Variants in NOPCHAP1 observed in about 807,000 individuals in gnomAD.
NOPCHAP1 encodes DNA damage-sensitive RNA 1.
A neutral mutation model predicts 14.0 loss-of-function variants in NOPCHAP1; 13 were observed. The observed-to-expected ratio is 0.93, with a 90% confidence interval of 0.60 to 1.47. The LOEUF (loss-of-function observed/expected upper bound fraction) is 1.47. Ranked by LOEUF, NOPCHAP1 falls within the 40% of genes most tolerant of loss-of-function variation. The pLI, the probability that NOPCHAP1 is intolerant of heterozygous loss-of-function variation, is 0.00. For missense variants in NOPCHAP1, 230 were observed against 226.9 expected, an observed-to-expected ratio of 1.01 and a Z score of -0.09; for synonymous variants, 78 against 78.4, an observed-to-expected ratio of 1.00 and a Z score of 0.03.
rs146750048 is a variant in NOPCHAP1, at chr12:105,017,363, G to A, written c.*22667G>A. 11 of 152,104 alleles carry A rather than the reference G, an allele frequency of 7.2e-5. No individual in the cohort carries two copies. Among genetic ancestry groups the A allele is most frequent in the African/African-American group, 2.7e-4 (11 of 41,374 alleles). The allele number at this position is 152,104 out of a possible 1,614,324, so 9.4% of individuals were successfully genotyped here. Reference sequence around the variant, plus strand: ...AAAATATAAAAATGAGCCAGATGCGGTGGTGCATATCTGTAATCCCAGCTA... The same window carrying A: ...AAAATATAAAAATGAGCCAGATGCGATGGTGCATATCTGTAATCCCAGCTA... On this transcript the variant is annotated 3_prime_UTR_variant, in exon 4 of 4. Coordinates refer to ENST00000552951, the MANE Select transcript of NOPCHAP1 (RefSeq NM_152318.3).
rs1217202745 is a variant in NOPCHAP1 at position 105,001,700 on chromosome 12, G to A, written c.*7004G>A. 6.6e-6 allele frequency: 1 copy of A among 152,034 alleles called. No homozygotes were observed. Among genetic ancestry groups the A allele is most frequent in the Non-Finnish European group, 1.5e-5 (1 of 67,998 alleles). The allele number at this position is 152,034 out of a possible 1,614,324, so 9.4% of individuals were successfully genotyped here. On this transcript the variant is annotated 3_prime_UTR_variant, in exon 4 of 4. Coordinates refer to ENST00000552951, the MANE Select transcript of NOPCHAP1 (RefSeq NM_152318.3). ...TGTCAGTTGGATGGCTTCCAGTATG[G>A]GAACCTTTTCAACTTGATTTGAAAC... is the stretch of plus-strand genomic sequence containing the variant.
intron 2 of NOPCHAP1, among the ~76,000 whole-genome samples, chr12:104,990,125 A>G (rs1873339554): frequency 6.6e-6 from 1 of 152,094 alleles, no homozygotes; most frequent in Admixed American, 6.5e-5. Flanking sequence ...CATGTTTGCT[A>G]ATTTTTTATT....
At chr12:104,992,635 C>T (rs1040148297) in intron 3 of NOPCHAP1, among the ~76,000 whole-genome samples, 1 of 152,138 alleles carries the variant, frequency 6.6e-6, no homozygotes, top group Non-Finnish European at 1.5e-5. Flanking sequence ...GGTCTGTGGC[C>T]TGTTAGGAAG....
At chr12:104,994,444 C>G in intron 3 of NOPCHAP1, 34 bp from the exon 4 acceptor site, 1 of 1,569,658 alleles carries the variant, frequency 6.4e-7, no homozygotes, top group Non-Finnish European at 8.8e-7. Context: ...AGGAACTGCT[C>G]TGAAATAGAT....
chr12:104,991,725 A>G lies in NOPCHAP1; in HGVS notation c.216A>G (p.Val72=). ...TACTTTCCACAGTATTGGACCAGGT[A>G]CAGACATTTCTCCCACAGATGGCAC... ...RIERSPLLDQ[V]QTFLPQMARA... is the part of the protein sequence containing the mutation. Residue 72 remains valine, a synonymous_variant, in exon 3 of 4, where the codon GTA becomes GTG. Transcript: ENST00000552951. 5 of 1,612,872 alleles carry G rather than the reference A, an allele frequency of 3.1e-6. No homozygotes were observed. The highest frequency in any genetic ancestry group is 4.2e-6 in the Non-Finnish European group (5 of 1,179,708).
chr12:104,991,691 T>C (rs777420958), intron 2 of NOPCHAP1, 21 bp from the exon 3 acceptor site: 3 of 1,577,678 alleles, frequency 1.9e-6, no homozygotes, highest in Non-Finnish European at 1.7e-6. Flanking sequence ...AATGTTGATA[T>C]GCTGTATTTA....
At chr12:104,993,913 A>T (rs1439513705) in intron 3 of NOPCHAP1, among the ~76,000 whole-genome samples, 1 of 152,146 alleles carries the variant, frequency 6.6e-6, no homozygotes. Flanking sequence ...TTGCTGAAAG[A>T]ATGTTGTTGA....
chr12:105,007,855 CAT>C lies in NOPCHAP1; in HGVS notation c.*13161_*13162del, dbSNP rs1428521257. The C allele has an allele frequency of 1.3e-5, 2 of 152,224 alleles. No individual in the cohort carries two copies. Among genetic ancestry groups the C allele is most frequent in the African/African-American group, 4.8e-5 (2 of 41,448 alleles). The allele number at this position is 152,224 out of a possible 1,614,324, so 9.4% of individuals were successfully genotyped here. Reference sequence around the variant, plus strand: ...ATGAACTCATCCTTTTTTATGGCTACATAGTATTCCATGGTGTACATATGCCA... The same window carrying C: ...ATGAACTCATCCTTTTTTATGGCTACAGTATTCCATGGTGTACATATGCCA... On this transcript the variant is annotated 3_prime_UTR_variant, in exon 4 of 4. Coordinates refer to ENST00000552951, the MANE Select transcript of NOPCHAP1 (RefSeq NM_152318.3).
rs1873902564 is a variant in NOPCHAP1 at position 105,014,317 on chromosome 12, G to A, written c.*19621G>A. On this transcript the variant is annotated 3_prime_UTR_variant, in exon 4 of 4. Coordinates refer to ENST00000552951, the MANE Select transcript of NOPCHAP1 (RefSeq NM_152318.3). The stretch of plus-strand genomic sequence containing the variant: ...TATGGTAGAAATGATGAGATAGACT[G>A]GTATCTACATATATTTAATGCATTT... The A allele has an allele frequency of 6.6e-6, 1 of 151,802 alleles. No homozygotes were observed. The highest frequency in any genetic ancestry group is 6.6e-5 in the Admixed American group (1 of 15,242). 9.4% of individuals were successfully genotyped at this position (151,802 alleles called of 1,614,324 possible).
chr12:104,989,410 T>C (rs953683824), intron 2 of NOPCHAP1, among the ~76,000 whole-genome samples: 1 of 152,220 alleles, frequency 6.6e-6, no homozygotes, highest in African/African-American at 2.4e-5. Flanking sequence ...GTTGACAGTG[T>C]GGTTTTTTGC....
intron 2 of NOPCHAP1, among the ~76,000 whole-genome samples, chr12:104,989,427 T>C (rs1455253649): frequency 1.3e-5 from 2 of 152,216 alleles, no homozygotes; most frequent in African/African-American, 4.8e-5. Flanking sequence ...TTGCTTTTTC[T>C]GTTTTCTCCA....
chr12:104,989,953 CT>C (rs1156945156), intron 2 of NOPCHAP1, among the ~76,000 whole-genome samples: 3 of 152,222 alleles, frequency 2.0e-5, no homozygotes, highest in East Asian at 1.9e-4. Flanking sequence ...CTGTTTACAT[CT>C]TTTTTTCTTT....
rs1353716594 is a variant in NOPCHAP1, at chr12:105,005,915, G to A, written c.*11219G>A. ...TTCTGCCAGATTGTCTAATGTCAAT[G>A]TGTTTTCTGATACTGATGCTTCTCC... On this transcript the variant is annotated 3_prime_UTR_variant, in exon 4 of 4. Coordinates refer to ENST00000552951, the MANE Select transcript of NOPCHAP1 (RefSeq NM_152318.3). 1.3e-5 allele frequency: 2 copies of A among 152,246 alleles called. No individual in the cohort carries two copies. The highest frequency in any genetic ancestry group is 2.1e-4 in the South Asian group (1 of 4,838). The allele number at this position is 152,246 out of a possible 1,614,324, so 9.4% of individuals were successfully genotyped here. A position where few individuals can be genotyped will look rare whatever the true frequency, so the allele number is the denominator to read the frequency against.
rs779562319 is a variant in NOPCHAP1, at chr12:104,986,403, C to T, written c.51C>T (p.Thr17=). 6.2e-6 allele frequency: 10 copies of T among 1,611,938 alleles called. No individual in the cohort carries two copies. Among genetic ancestry groups the T allele is most frequent in the Admixed American group, 1.7e-5 (1 of 59,794 alleles). The change falls in exon 1 of 4, where the codon ACC becomes ACT. Residue 17 remains threonine (T), a synonymous_variant. Transcript: ENST00000552951. ...PKASPSCSSP[T]RDSSGVPVSK... ...CTAGCCCGAGTTGTTCGTCGCCCAC[C>T]CGGGATTCCTCAGGAGTCCCAGTGT...
At position 105,003,782 on chromosome 12, in the gene NOPCHAP1, A is replaced by G. The variant is rs1323354106; in HGVS notation, c.*9086A>G. 6.6e-6 allele frequency: 1 copy of G among 152,248 alleles called. No homozygotes were observed. The highest frequency in any genetic ancestry group is 1.5e-5 in the Non-Finnish European group (1 of 68,040). The allele number at this position is 152,248 out of a possible 1,614,324, so 9.4% of individuals were successfully genotyped here. On this transcript the variant is annotated 3_prime_UTR_variant, in exon 4 of 4. Coordinates refer to ENST00000552951, the MANE Select transcript of NOPCHAP1 (RefSeq NM_152318.3). ...TGTGGCACAGAGAGTATGCTTTTATAAGTATAAATTGAACTTGGAAGTAAA... is the reference window on the plus strand; with the variant it reads ...TGTGGCACAGAGAGTATGCTTTTATGAGTATAAATTGAACTTGGAAGTAAA...
At chr12:104,992,867 C>T (rs4331189) in intron 3 of NOPCHAP1, among the ~76,000 whole-genome samples, 34,312 of 151,988 alleles carry the variant, frequency 0.23, 5,347 homozygotes, top group East Asian at 0.5. Flanking sequence ...TGCCAAGGTC[C>T]GTGGAAGAAT....
rs546170739 is a variant in NOPCHAP1, at chr12:105,009,574, C to T, written c.*14878C>T. The T allele has an allele frequency of 1.6e-4, 25 of 152,220 alleles. No homozygotes were observed. Among genetic ancestry groups the T allele is most frequent in the African/African-American group, 4.6e-4 (19 of 41,536 alleles). 9.4% of individuals were successfully genotyped at this position (152,220 alleles called of 1,614,324 possible). A position where few individuals can be genotyped will look rare whatever the true frequency, so the allele number is the denominator to read the frequency against. ...AAAGGGAATGCTTCCAGCTTTTGCC[C>T]GTTCAGTATGATATTGGCTGTGGGT... On this transcript the variant is annotated 3_prime_UTR_variant, in exon 4 of 4. Transcript: ENST00000552951.
At chr12:104,989,979 T>C (rs1873336526) in intron 2 of NOPCHAP1, among the ~76,000 whole-genome samples, 2 of 152,212 alleles carry the variant, frequency 1.3e-5, no homozygotes. Flanking sequence ...GTGTTTGTGC[T>C]TTTCTTTTCT....
rs1428704110 is a variant in NOPCHAP1, at chr12:105,002,731, G to C, written c.*8035G>C. ...GTCCCAGTATCATATGAATAAATTG[G>C]TCAGAGAGTCCTGGCTTGTAAGCTC... is the stretch of plus-strand genomic sequence containing the variant. On this transcript the variant is annotated 3_prime_UTR_variant, in exon 4 of 4. Transcript: ENST00000552951. 6.6e-6 allele frequency: 1 copy of C among 152,098 alleles called. No individual in the cohort carries two copies. The highest frequency in any genetic ancestry group is 1.5e-5 in the Non-Finnish European group (1 of 68,034). The allele number at this position is 152,098 out of a possible 1,614,324, so 9.4% of individuals were successfully genotyped here.
Sources: allele counts gnomAD v4.1 joint callset (sites outside exome capture counted in the v4.1 genomes callset), GRCh38; gene constraint gnomAD v4.1.1; transcripts MANE v1.5; gene names NCBI Gene and HGNC (gene_info 2026-07-23, HGNC 2026-07-21).